The following SETD2 variants were observed in gnomAD, a reference collection of about 807,000 sequenced individuals.
SETD2 encodes SET domain containing 2, histone lysine methyltransferase.
A neutral mutation model predicts 242.1 loss-of-function variants in SETD2; 31 were observed. That is an observed-to-expected ratio of 0.13 (90% confidence interval 0.10 to 0.17). The LOEUF (loss-of-function observed/expected upper bound fraction) is 0.17. Ranked by LOEUF, SETD2 falls within the 10% of genes least tolerant of loss-of-function variation. The probability of loss-of-function intolerance (pLI) is 1.00; values close to 1 mark genes in which losing one functional copy is unlikely to be tolerated. For synonymous variants in SETD2, 1,006 were observed against 1,066.5 expected, an observed-to-expected ratio of 0.94 and a Z score of 1.11; for missense variants, 2,481 against 3,046.3, an observed-to-expected ratio of 0.81 and a Z score of 4.37.
chr3:47,044,559 G>C (rs1382426689), intron 16 of SETD2, among the ~76,000 whole-genome samples: 1 of 151,934 alleles, frequency 6.6e-6, no homozygotes, highest in South Asian at 2.1e-4. Flanking sequence ...AGAACTGTAG[G>C]TGTTCTAAAG....
At chr3:47,051,279 A>AT (rs1197725164) in intron 15 of SETD2, among the ~76,000 whole-genome samples, 1 of 151,820 alleles carries the variant, frequency 6.6e-6, no homozygotes, top group Non-Finnish European at 1.5e-5. Context: ...TAATTTTTGT[A>AT]TTTTTTGTAA....
At chr3:47,046,377 G>T (rs987567396) in intron 16 of SETD2, 110 bp downstream of exon 16, 3 of 849,404 alleles carry the variant, frequency 3.5e-6, no homozygotes, top group African/African-American at 1.8e-5. Flanking sequence ...CAAAGAACAC[G>T]TGAAAAAAAA....
Position 47,120,720 on chromosome 3 carries a change from A to T in SETD2, c.3916T>A (p.Trp1306Arg), listed in dbSNP as rs2107745170. 1 of 1,614,206 alleles carries T rather than the reference A, an allele frequency of 6.2e-7. No individual in the cohort carries two copies. The stretch of plus-strand genomic sequence containing the variant: ...GGAGGTCTACCTGATCTTGGATCCC[A>T]GTAACCATTGCCTTGCCAGTAATCA... ...TRDYWQGNGYWDPRSGRPPGT... is the reference protein window; with the variant it reads ...TRDYWQGNGYRDPRSGRPPGT... Residue 1306 changes from tryptophan (W) to arginine (R), a missense_variant, in exon 3 of 21, where the codon TGG (tryptophan) becomes AGG (arginine). Trp to Arg is a moderately radical substitution (Grantham distance 101). Around this residue, in one of 17 missense-constraint regions of SETD2, gnomAD observed 1,300 missense variants for 1,259.2 expected, o/e 1.03. Transcript: ENST00000409792.
At position 47,046,616 on chromosome 3, in the gene SETD2, A is replaced by G. The variant is rs2039543267; in HGVS notation, c.6969T>C (p.Tyr2323=). 1 of 1,608,802 alleles carries G rather than the reference A, an allele frequency of 6.2e-7. No individual in the cohort carries two copies. Residue 2323 remains tyrosine, a synonymous_variant, in exon 16 of 21, where the codon TAT becomes TAC. Transcript: ENST00000409792. ...SQTTPPIVQS[Y]AQPSLQYIQG... The stretch of plus-strand genomic sequence containing the variant: ...GGATATACTGAAGACTTGGCTGGGC[A>G]TAACTCTAAAAGATAAAATGAAGAA...
In SETD2 at chr3:47,122,388, C is replaced by T. The variant is rs547767170; in HGVS notation, c.2248G>A (p.Glu750Lys). 43 of 1,613,964 alleles carry T rather than the reference C, an allele frequency of 2.7e-5. No individual in the cohort carries two copies. Among genetic ancestry groups the T allele is most frequent in the Non-Finnish European group, 3.5e-5 (41 of 1,179,986 alleles). ...TCTTGGTGTGGTGACACCAGAGGTT[C>T]TGTTTCTCTAAATGGGCTTTCTGAC... ...KKSESPFRET[E>K]PLVSPHQDKL... Residue 750 changes from glutamate to lysine, a missense_variant, in exon 3 of 21, where the codon GAA becomes AAA. Around this residue, in one of 17 missense-constraint regions of SETD2, gnomAD observed 1,300 missense variants for 1,259.2 expected, o/e 1.03. Transcript: ENST00000409792.
At chr3:47,062,048 G>T in intron 14 of SETD2, 115 bp downstream of exon 14, 1 of 896,410 alleles carries the variant, frequency 1.1e-6, no homozygotes, top group Non-Finnish European at 1.7e-6. Context: ...TCATCAAAAT[G>T]CAAATACTAA....
chr3:47,150,515 ATC>A (rs1260131123), intron 1 of SETD2, among the ~76,000 whole-genome samples: 1 of 152,138 alleles, frequency 6.6e-6, no homozygotes, highest in African/African-American at 2.4e-5. Flanking sequence ...AGGATTACCC[ATC>A]CTGGAAAATA....
At chr3:47,089,838 T>G (rs1200913555) in intron 9 of SETD2, among the ~76,000 whole-genome samples, 1 of 151,978 alleles carries the variant, frequency 6.6e-6, no homozygotes, top group Admixed American at 6.6e-5. Flanking sequence ...GAGGAAAGGG[T>G]AAGCAAAGTA....
intron 18 of SETD2, among the ~76,000 whole-genome samples, chr3:47,031,906 T>C (rs1390900488): frequency 6.6e-6 from 1 of 152,218 alleles, no homozygotes; most frequent in Non-Finnish European, 1.5e-5. Flanking sequence ...ATATAATTTT[T>C]TGTGAAAAGT....
chr3:47,086,643 TA>T (rs1032069608), intron 10 of SETD2, among the ~76,000 whole-genome samples: 29 of 152,078 alleles, frequency 1.9e-4, no homozygotes, highest in African/African-American at 6.5e-4. Context: ...TAAATAAAGC[TA>T]AAACCATAAA....
chr3:47,147,917 C>CA (rs547475994), intron 1 of SETD2, among the ~76,000 whole-genome samples: 4,847 of 51,424 alleles, frequency 0.094, 277 homozygotes, highest in East Asian at 0.16. Flanking sequence ...GACTCTGTCT[C>CA]AAAAAAAAAA....
chr3:47,145,820 T>C (rs979653125), intron 1 of SETD2, among the ~76,000 whole-genome samples: 1 of 151,802 alleles, frequency 6.6e-6, no homozygotes, highest in Admixed American at 6.6e-5. Context: ...AATTTGAGAC[T>C]GGCCTGGACA....
intron 1 of SETD2, chr3:47,163,564 C>A (rs1408031832): frequency 1.2e-5 from 2 of 169,102 alleles, no homozygotes; most frequent in South Asian, 4.0e-4. Context: ...TCGGTGCGGA[C>A]ACGGCGGTAA....
chr3:47,040,038 G>A lies in SETD2; in HGVS notation c.7239-2261C>T, dbSNP rs530309575. On this transcript the variant is annotated intron_variant, in intron 17 of 20. Transcript: ENST00000409792. ...GTCACCCAGGCTGGAGTGCAGTAGCGCGATCTCAGCTAACTGCAACCTCTG... is the reference window on the plus strand; with the variant it reads ...GTCACCCAGGCTGGAGTGCAGTAGCACGATCTCAGCTAACTGCAACCTCTG... Among the ~76,000 whole-genome samples the A allele has an allele frequency of 5.7e-4, 86 of 151,626 alleles. No homozygotes were observed. In the Middle Eastern group the frequency reaches 0.031, roughly 54 times the overall value.
At chr3:47,146,148 G>A (rs1258012710) in intron 1 of SETD2, among the ~76,000 whole-genome samples, 3 of 151,578 alleles carry the variant, frequency 2.0e-5, no homozygotes, top group Non-Finnish European at 4.4e-5. Context: ...ATGTCAGCTG[G>A]AGAGGTACCA....
At chr3:47,037,824 G>C in intron 17 of SETD2, 47 bp from the exon 18 acceptor site, 1 of 1,319,918 alleles carries the variant, frequency 7.6e-7, no homozygotes, top group Non-Finnish European at 1.1e-6. Context: ...AGGAAACAGA[G>C]AATCCTGACA....
At chr3:47,119,847 C>A in intron 3 of SETD2, 1 of 477,488 alleles carries the variant, frequency 2.1e-6, no homozygotes, top group South Asian at 1.7e-5. Flanking sequence ...GATTATTTTG[C>A]TGGGGTTTTA....
At chr3:47,053,269 G>T (rs1251966242) in intron 15 of SETD2, among the ~76,000 whole-genome samples, 1 of 152,098 alleles carries the variant, frequency 6.6e-6, no homozygotes, top group African/African-American at 2.4e-5. Context: ...CAATTTTTCT[G>T]TTACCACCTC....
intron 1 of SETD2, among the ~76,000 whole-genome samples, chr3:47,136,691 C>T (rs1191203999): frequency 3.9e-5 from 6 of 152,126 alleles, no homozygotes; most frequent in African/African-American, 9.7e-5. Context: ...CCGTGGCTCA[C>T]GCTTGTAATC....
Sources: gnomAD v4.1 joint callset for allele counts (sites outside exome capture counted in the v4.1 genomes callset) on GRCh38, gnomAD v4.1.1 for gene constraint, gnomAD v4.1.1 regional missense constraint, MANE v1.5 for transcripts, NCBI Gene and HGNC (gene_info 2026-07-23, HGNC 2026-07-21) for gene names.